POU6F2: variants seen among roughly 807,000 people sequenced by gnomAD.
The protein encoded by POU6F2 is POU class 6 homeobox 2, also known as POU domain, class 6, transcription factor 2.
In POU6F2, 31 loss-of-function variants were observed where a neutral mutation model predicts 71.3. The observed-to-expected ratio is 0.43, with a 90% CI of 0.33 to 0.59. The LOEUF (loss-of-function observed/expected upper bound fraction) is 0.59, where lower values mean the gene tolerates loss of function less well. Among genes scored for constraint, POU6F2 ranks in the 20% least tolerant of loss-of-function variants. POU6F2 has a pLI of 0.04. For missense variants in POU6F2, 783 were observed against 856.8 expected (o/e 0.91, Z 1.07); for synonymous variants, 347 against 355.7 (o/e 0.98, Z 0.27).
At chr7:39,117,689 C>T (rs1174446594) in intron 2 of POU6F2, among the ~76,000 whole-genome samples, 1 of 152,122 alleles carries the variant, frequency 6.6e-6, no homozygotes, top group East Asian at 1.9e-4. Context: ...GGAACTGAGG[C>T]ACCTAGTACC....
At chr7:39,034,417 T>G (rs1790013429) in intron 1 of POU6F2, 1 of 357,276 alleles carries the variant, frequency 2.8e-6, no homozygotes, top group Non-Finnish European at 6.1e-6. Flanking sequence ...GAAAATGACG[T>G]GCACCTGAAG....
At chr7:39,337,409 T>C (rs1785802540) in intron 4 of POU6F2, among the ~76,000 whole-genome samples, 2 of 152,180 alleles carry the variant, frequency 1.3e-5, no homozygotes, top group African/African-American at 4.8e-5. Flanking sequence ...GAGGAAACCA[T>C]CATAAAAGGG....
At chr7:39,060,122 C>T (rs1448433028) in intron 1 of POU6F2, among the ~76,000 whole-genome samples, 2 of 151,946 alleles carry the variant, frequency 1.3e-5, no homozygotes, top group South Asian at 2.1e-4. Flanking sequence ...GCAGGAGAAT[C>T]GCTTGAACCC....
chr7:39,457,611 A>G (rs1330629189), intron 8 of POU6F2, among the ~76,000 whole-genome samples: 2 of 152,230 alleles, frequency 1.3e-5, no homozygotes, highest in Non-Finnish European at 2.9e-5. Flanking sequence ...GACTTGGTCA[A>G]GCCAGGGCCA....
At chr7:39,153,010 C>T (rs1792792282) in intron 2 of POU6F2, among the ~76,000 whole-genome samples, 1 of 152,098 alleles carries the variant, frequency 6.6e-6, no homozygotes, top group South Asian at 2.1e-4. Context: ...GAGTTATGCT[C>T]GCTTACGCTT....
At chr7:39,383,802 C>T (rs1205358908) in intron 5 of POU6F2, among the ~76,000 whole-genome samples, 3 of 152,204 alleles carry the variant, frequency 2.0e-5, no homozygotes, top group Non-Finnish European at 4.4e-5. Flanking sequence ...TGAGAAAGTA[C>T]ATCTTTTCCA....
intron 5 of POU6F2, among the ~76,000 whole-genome samples, chr7:39,358,036 A>C (rs751464809): frequency 2.0e-5 from 3 of 152,242 alleles, no homozygotes; most frequent in Non-Finnish European, 4.4e-5. Flanking sequence ...CACCAATCTC[A>C]TTATGTGAGC....
chr7:39,328,329 T>C (rs1279564499), intron 4 of POU6F2, among the ~76,000 whole-genome samples: 1 of 152,222 alleles, frequency 6.6e-6, no homozygotes, highest in Non-Finnish European at 1.5e-5. Flanking sequence ...TTTTTGGCCA[T>C]TGGACACTTG....
intron 2 of POU6F2, among the ~76,000 whole-genome samples, chr7:39,167,570 A>G (rs1584578987): frequency 6.6e-6 from 1 of 152,126 alleles, no homozygotes; most frequent in South Asian, 2.1e-4. Flanking sequence ...TCTTTCACTT[A>G]AGTCGGTACT....
intron 4 of POU6F2, among the ~76,000 whole-genome samples, chr7:39,294,633 T>C (rs1583503442): frequency 6.6e-6 from 1 of 152,196 alleles, no homozygotes; most frequent in African/African-American, 2.4e-5. Context: ...GTTTCACTAG[T>C]TGCTGTACCA....
At chr7:39,391,359 C>A (rs753843371) in intron 5 of POU6F2, among the ~76,000 whole-genome samples, 1 of 151,910 alleles carries the variant, frequency 6.6e-6, no homozygotes, top group Non-Finnish European at 1.5e-5. Context: ...TGCTTATTTT[C>A]TTTTCCTCCT....
Position 39,080,399 on chromosome 7 carries a change from C to A in POU6F2, c.106-5461C>A, listed in dbSNP as rs376768185. Among the ~76,000 whole-genome samples the A allele has an allele frequency of 3.7e-4, 56 of 152,242 alleles. 2 individuals are homozygous for A. In the East Asian group the frequency reaches 0.01, roughly 27 times the overall value. ...TTTGATTTCAATTTTTACCTCTTCT[C>A]CGTGGGAAAAACTAAACACAAAATA... On this transcript the variant is annotated intron_variant, in intron 1 of 9. Transcript: ENST00000518318.
Position 39,041,912 on chromosome 7 carries a change from A to G in POU6F2, c.106-43948A>G, listed in dbSNP as rs185005467. On this transcript the variant is annotated intron_variant, in intron 1 of 9. Coordinates refer to ENST00000518318, the MANE Select transcript of POU6F2 (RefSeq NM_001370959.1). ...CTCATCTACTTCTTTACTTTTCACC[A>G]TGCGAGGAGGATTGGCTAATTTGAC... 4.9e-3 allele frequency among the ~76,000 whole-genome samples: 750 copies of G among 152,020 alleles called. 7 individuals carry two copies. The highest frequency in any genetic ancestry group is 0.02 in the Middle Eastern group (6 of 294).
chr7:39,354,910 A>G (rs1191239026), intron 5 of POU6F2, among the ~76,000 whole-genome samples: 1 of 152,236 alleles, frequency 6.6e-6, no homozygotes, highest in Non-Finnish European at 1.5e-5. Flanking sequence ...AATAGTTATC[A>G]GTTGCCTTTG....
At chr7:39,290,338 T>C (rs938035197) in intron 4 of POU6F2, among the ~76,000 whole-genome samples, 2 of 152,160 alleles carry the variant, frequency 1.3e-5, no homozygotes, top group African/African-American at 4.8e-5. Context: ...CTTGAGTAGC[T>C]CCCTGGGACA....
chr7:39,109,903 C>G (rs1430789490), intron 2 of POU6F2, among the ~76,000 whole-genome samples: 1 of 152,158 alleles, frequency 6.6e-6, no homozygotes, highest in African/African-American at 2.4e-5. Context: ...CTCATGCTGG[C>G]TTGTGAGAGA....
At chr7:39,066,500 A>G (rs1790756701) in intron 1 of POU6F2, among the ~76,000 whole-genome samples, 1 of 151,792 alleles carries the variant, frequency 6.6e-6, no homozygotes, top group Admixed American at 6.6e-5. Flanking sequence ...TTTCTATATA[A>G]GAGCAATGAC....
intron 2 of POU6F2, among the ~76,000 whole-genome samples, chr7:39,112,960 T>A (rs533241425): frequency 6.6e-6 from 1 of 152,262 alleles, no homozygotes; most frequent in African/African-American, 2.4e-5. Context: ...GAATTTTAAT[T>A]GCATTTTTAC....
In POU6F2 at chr7:39,015,861, A is replaced by T. The variant is rs1229067; in HGVS notation, c.105+37803A>T. 3.0e-3 allele frequency among the ~76,000 whole-genome samples: 172 copies of T among 57,228 alleles called. 7 individuals are homozygous for T. The highest frequency in any genetic ancestry group is 7.8e-3 in the African/African-American group (109 of 14,036). The allele number at this position is 57,228 out of a possible 152,430, so 37.5% of individuals were successfully genotyped here. A position where few individuals can be genotyped will look rare whatever the true frequency, so the allele number is the denominator to read the frequency against. On this transcript the variant is annotated intron_variant, in intron 1 of 9. Coordinates refer to ENST00000518318, the MANE Select transcript of POU6F2 (RefSeq NM_001370959.1). ...TAATATATTATATATAGATATATAT[A>T]ATATATTATATATAGATATATATTA... is the stretch of plus-strand genomic sequence containing the variant.
Sources: allele counts gnomAD v4.1 joint callset (sites outside exome capture counted in the v4.1 genomes callset), GRCh38; gene constraint gnomAD v4.1.1; transcripts MANE v1.5; gene names NCBI Gene and HGNC (gene_info 2026-07-23, HGNC 2026-07-21).